The following GRIK1 variants were observed in gnomAD, a reference collection of about 807,000 sequenced individuals.
GRIK1 encodes glutamate receptor ionotropic, kainate 1.
GRIK1 carries 69 observed loss-of-function variants against 105.7 expected under a neutral mutation model. The observed-to-expected ratio is 0.65, with a 90% CI of 0.54 to 0.80. GRIK1 has a LOEUF of 0.80. GRIK1 is among the 30% of genes least tolerant of loss of function. The pLI is 0.00. For synonymous variants in GRIK1, 438 were observed against 431.3 expected (o/e 1.02, Z -0.19); for missense variants, 1,109 against 1,167.3 (o/e 0.95, Z 0.73).
At chr21:29,590,477 AC>A (rs1323967189) in intron 10 of GRIK1, among the ~76,000 whole-genome samples, 1 of 152,148 alleles carries the variant, frequency 6.6e-6, no homozygotes, top group African/African-American at 2.4e-5. Flanking sequence ...ACTTTCAAGA[AC>A]AGTTAGTAAA....
At chr21:29,757,651 A>G (rs2065384414) in intron 1 of GRIK1, among the ~76,000 whole-genome samples, 1 of 152,232 alleles carries the variant, frequency 6.6e-6, no homozygotes, top group Admixed American at 6.5e-5. Flanking sequence ...TCAAGAGCTT[A>G]TCGAGTGTGT....
rs537620358 is a variant in GRIK1 at position 29,584,212 on chromosome 21, CCATT to C, written c.1794-2673_1794-2670del. Among the ~76,000 whole-genome samples, 800 of 152,202 alleles carry C rather than the reference CCATT, an allele frequency of 5.3e-3. 5 individuals are homozygous for C. The highest frequency in any genetic ancestry group is 0.018 in the African/African-American group (731 of 41,534). ...TAGGCTGCATTGAGGAGAGAAAAAT[CCATT>C]CATCTTTCAAGGGAGAATGCTCTAT... On this transcript the variant is annotated intron_variant, in intron 12 of 17. Coordinates refer to ENST00000327783, the MANE Select transcript of GRIK1 (RefSeq NM_001330994.2).
At chr21:29,613,968 C>G (rs2146385256) in intron 7 of GRIK1, among the ~76,000 whole-genome samples, 1 of 152,116 alleles carries the variant, frequency 6.6e-6, no homozygotes, top group African/African-American at 2.4e-5. Flanking sequence ...ACTGCTTGCC[C>G]TGAAAAAAAT....
chr21:29,834,906 G>GT (rs1358101465), intron 1 of GRIK1, among the ~76,000 whole-genome samples: 2 of 149,604 alleles, frequency 1.3e-5, no homozygotes, highest in East Asian at 3.9e-4. Flanking sequence ...GTACTGGAGG[G>GT]TTTTTTGTAT....
intron 1 of GRIK1, among the ~76,000 whole-genome samples, chr21:29,723,054 C>T (rs1478728112): frequency 1.3e-5 from 2 of 152,162 alleles, no homozygotes; most frequent in African/African-American, 2.4e-5. Context: ...CAGTAGCTGA[C>T]ATACCTGTAA....
intron 1 of GRIK1, among the ~76,000 whole-genome samples, chr21:29,905,720 A>G (rs387135): frequency 1 from 136,990 of 137,280 alleles, 68,354 homozygotes; most frequent in Middle Eastern, 1. Context: ...TCCGCCTCCC[A>G]GGTTCACGCC....
chr21:29,694,101 A>T (rs771495507), intron 1 of GRIK1, 38 bp from the exon 2 acceptor site: 1 of 1,123,492 alleles, frequency 8.9e-7, no homozygotes, highest in South Asian at 1.4e-5. Flanking sequence ...AGCGTTAGTC[A>T]CATGGTTCAC....
chr21:29,884,805 C>T (rs1226921358), intron 1 of GRIK1, among the ~76,000 whole-genome samples: 3 of 152,004 alleles, frequency 2.0e-5, no homozygotes, highest in Non-Finnish European at 4.4e-5. Context: ...TTTAATCTCT[C>T]ACTATAGCTA....
At chr21:29,812,342 C>A (rs886313802) in intron 1 of GRIK1, among the ~76,000 whole-genome samples, 1 of 152,064 alleles carries the variant, frequency 6.6e-6, no homozygotes, top group African/African-American at 2.4e-5. Flanking sequence ...CAGCCAAATA[C>A]CTCTAACTCT....
At chr21:29,725,166 A>G (rs1410961150) in intron 1 of GRIK1, among the ~76,000 whole-genome samples, 1 of 152,208 alleles carries the variant, frequency 6.6e-6, no homozygotes, top group Non-Finnish European at 1.5e-5. Context: ...CAAGGTCACC[A>G]TCTTCAACAG....
At chr21:29,554,844 G>T (rs2090207264) in intron 16 of GRIK1, among the ~76,000 whole-genome samples, 1 of 152,070 alleles carries the variant, frequency 6.6e-6, no homozygotes, top group Non-Finnish European at 1.5e-5. Flanking sequence ...TAGTGTATAA[G>T]CCCCTTCCTT....
chr21:29,875,623 T>C (rs2069165461), intron 1 of GRIK1, among the ~76,000 whole-genome samples: 1 of 152,192 alleles, frequency 6.6e-6, no homozygotes, highest in Non-Finnish European at 1.5e-5. Context: ...CCTTCTCTTC[T>C]TTTTAAAGAA....
Position 29,891,342 on chromosome 21 carries a change from G to C in GRIK1, c.118+48041C>G, listed in dbSNP as rs75275236. ...AATATTTTTATGTTATGATTCAAAC[G>C]TGGAGAAGGGAATGAGTCTATACCC... On this transcript the variant is annotated intron_variant, in intron 1 of 17. Transcript: ENST00000327783. 1.6e-4 allele frequency among the ~76,000 whole-genome samples: 25 copies of C among 152,266 alleles called. No homozygotes were observed. The East Asian group carries it at 4.8e-3, about 29-fold the overall frequency.
chr21:29,663,854 T>C (rs1216975619), intron 4 of GRIK1, among the ~76,000 whole-genome samples: 1 of 152,150 alleles, frequency 6.6e-6, no homozygotes, highest in Non-Finnish European at 1.5e-5. Context: ...AATAGTGTTT[T>C]AGACTATGCA....
intron 16 of GRIK1, 43 bp from the exon 17 acceptor site, chr21:29,537,927 T>C (rs1211233415): frequency 1.1e-6 from 1 of 928,084 alleles, no homozygotes. Flanking sequence ...AAATTGTACA[T>C]TTTCTCCAAA....
chr21:29,742,022 T>A (rs181186495), intron 1 of GRIK1, among the ~76,000 whole-genome samples: 70 of 152,328 alleles, frequency 4.6e-4, no homozygotes, highest in Middle Eastern at 3.4e-3. Context: ...CAGTGATACA[T>A]CAAAATTAAT....
intron 1 of GRIK1, among the ~76,000 whole-genome samples, chr21:29,702,435 A>G (rs1346358166): frequency 6.6e-6 from 1 of 152,210 alleles, no homozygotes; most frequent in Non-Finnish European, 1.5e-5. Flanking sequence ...ATTTAAAGCC[A>G]TGAGACTGAA....
chr21:29,840,874 C>A (rs1395848132), intron 1 of GRIK1, among the ~76,000 whole-genome samples: 1 of 151,932 alleles, frequency 6.6e-6, no homozygotes, highest in Non-Finnish European at 1.5e-5. Context: ...AAAATACACA[C>A]AACAGCTGGG....
At chr21:29,690,902 T>G (rs1334515140) in intron 2 of GRIK1, among the ~76,000 whole-genome samples, 1 of 152,246 alleles carries the variant, frequency 6.6e-6, no homozygotes, top group Non-Finnish European at 1.5e-5. Flanking sequence ...GTTTGACATA[T>G]TACTTTCTTT....
Sources: gnomAD v4.1 joint callset for allele counts (sites outside exome capture counted in the v4.1 genomes callset) on GRCh38, gnomAD v4.1.1 for gene constraint, MANE v1.5 for transcripts, NCBI Gene and HGNC (gene_info 2026-07-23, HGNC 2026-07-21) for gene names.